BMP2K: variants seen among roughly 807,000 people sequenced by gnomAD.
The protein encoded by BMP2K is BMP2 inducible kinase.
BMP2K carries 74 observed loss-of-function variants against 116.0 expected under a neutral mutation model. The ratio of observed to expected loss-of-function variants is 0.64; its 90% CI spans 0.53 to 0.77. The LOEUF (loss-of-function observed/expected upper bound fraction) is 0.77, where lower values mean the gene tolerates loss of function less well. Ranked by LOEUF, BMP2K falls within the 30% of genes least tolerant of loss-of-function variation. The pLI is 0.00. For missense variants in BMP2K, 1,365 were observed against 1,403.6 expected (o/e 0.97, Z 0.44); for synonymous variants, 486 against 502.5 (o/e 0.97, Z 0.44).
intron 3 of BMP2K, among the ~76,000 whole-genome samples, chr4:78,838,740 A>G (rs1311526866): frequency 1.3e-5 from 2 of 152,222 alleles, no homozygotes; most frequent in African/African-American, 4.8e-5. Flanking sequence ...CAGAGAGTAA[A>G]ACAATATGTT....
intron 1 of BMP2K, among the ~76,000 whole-genome samples, chr4:78,783,407 G>A (rs1455682315): frequency 6.6e-6 from 1 of 152,192 alleles, no homozygotes; most frequent in East Asian, 1.9e-4. Flanking sequence ...AGAGGTAGTA[G>A]TTTTATTCAA....
rs536701642 is a variant in BMP2K, at chr4:78,802,860, G to GT, written c.179-23170dup. Reference sequence around the variant, plus strand: ...TCTTTTTTTTTTTGTTCTCTTTTTTGTTTTTTTGAGGCAGAGTCTTGCTCT... The same window carrying GT: ...TCTTTTTTTTTTTGTTCTCTTTTTTGTTTTTTTTGAGGCAGAGTCTTGCTCT... On this transcript the variant is annotated intron_variant, in intron 1 of 15. Coordinates refer to ENST00000502613, the MANE Select transcript of BMP2K (RefSeq NM_198892.2). Among the ~76,000 whole-genome samples the GT allele has an allele frequency of 2.4e-3, 349 of 146,084 alleles. 1 individual carries two copies. Among genetic ancestry groups the GT allele is most frequent in the African/African-American group, 8.0e-3 (318 of 39,838 alleles).
At chr4:78,840,032 TA>T (rs1448488666) in intron 3 of BMP2K, among the ~76,000 whole-genome samples, 2 of 152,052 alleles carry the variant, frequency 1.3e-5, no homozygotes, top group Non-Finnish European at 1.5e-5. Context: ...GTTGTAAAAA[TA>T]AAAAAGTCAT....
intron 1 of BMP2K, among the ~76,000 whole-genome samples, chr4:78,789,889 C>G (rs1367772036): frequency 1.3e-5 from 2 of 152,192 alleles, no homozygotes; most frequent in African/African-American, 4.8e-5. Context: ...AAGTTCTTAT[C>G]CTCTGCTTTT....
intron 2 of BMP2K, among the ~76,000 whole-genome samples, chr4:78,828,321 G>T (rs1729977934): frequency 6.6e-6 from 1 of 152,214 alleles, no homozygotes; most frequent in Non-Finnish European, 1.5e-5. Flanking sequence ...GTGATGCATA[G>T]GGTATGAGGT....
chr4:78,838,548 T>C (rs552760503), intron 3 of BMP2K, among the ~76,000 whole-genome samples: 17 of 152,192 alleles, frequency 1.1e-4, no homozygotes, highest in Non-Finnish European at 2.5e-4. Flanking sequence ...TTTTCTTCCA[T>C]GGTGGGGGAG....
chr4:78,872,604 C>A lies in BMP2K; in HGVS notation c.1609-10C>A. The A allele has an allele frequency of 6.2e-7, 1 of 1,612,496 alleles. No individual in the cohort carries two copies. The highest frequency in any genetic ancestry group is 8.5e-7 in the Non-Finnish European group (1 of 1,179,304). ...AGCATTGTTTTGTATAATATCATTT[C>A]TTTTTTCAGATGCCGCAGTATCAGC... On this transcript the variant is annotated splice_polypyrimidine_tract_variant and intron_variant, in intron 12 of 15. Coordinates refer to ENST00000502613, the MANE Select transcript of BMP2K (RefSeq NM_198892.2).
chr4:78,798,032 G>T (rs555268618), intron 1 of BMP2K, among the ~76,000 whole-genome samples: 1 of 152,054 alleles, frequency 6.6e-6, no homozygotes, highest in Non-Finnish European at 1.5e-5. Flanking sequence ...GCCCAGACAC[G>T]CTTCAAACTC....
At chr4:78,878,632 G>A (rs1421782957) in intron 13 of BMP2K, 102 bp from the exon 14 acceptor site, 5 of 986,614 alleles carry the variant, frequency 5.1e-6, no homozygotes, top group African/African-American at 3.4e-5. Context: ...AAATGATTTG[G>A]TTTTCTAAGT....
intron 1 of BMP2K, among the ~76,000 whole-genome samples, chr4:78,792,296 T>A (rs1309686323): frequency 2.6e-5 from 4 of 152,222 alleles, no homozygotes; most frequent in Admixed American, 2.6e-4. Flanking sequence ...GTCTTTTTAA[T>A]ATGTGAAAAA....
chr4:78,807,717 C>A (rs925233669), intron 1 of BMP2K, among the ~76,000 whole-genome samples: 2 of 150,782 alleles, frequency 1.3e-5, no homozygotes, highest in African/African-American at 4.8e-5. Context: ...AAATTATTAA[C>A]CCTATAATTG....
Position 78,911,180 on chromosome 4 carries a change from AG to A in BMP2K, c.2634del (p.Asn879ThrfsTer29), listed in dbSNP as rs1734574380. On this transcript the variant is annotated frameshift_variant, in exon 16 of 16. Coordinates refer to ENST00000502613, the MANE Select transcript of BMP2K (RefSeq NM_198892.2). LOFTEE classifies it high-confidence loss of function. ...CAGCCCCAGCAAGAAAAGAATGAAA[AG>A]AACCTCCCTCAACACAGGTTTCCTG... ...AQQPQQEKNE[K>X]NLPQHRFPAA... 1 of 1,613,674 alleles carries A rather than the reference AG, an allele frequency of 6.2e-7. No homozygotes were observed. Among genetic ancestry groups the A allele is most frequent in the African/African-American group, 1.3e-5 (1 of 74,896 alleles).
chr4:78,906,115 T>C (rs954630191), intron 15 of BMP2K: 1 of 152,112 alleles, frequency 6.6e-6, no homozygotes. Flanking sequence ...TACCTTGGAT[T>C]GTGGTAACTT....
intron 15 of BMP2K, among the ~76,000 whole-genome samples, chr4:78,892,794 A>T (rs946490145): frequency 1.3e-5 from 2 of 152,148 alleles, no homozygotes; most frequent in Admixed American, 1.3e-4. Flanking sequence ...TATTATGTCT[A>T]AAAAAATGTA....
At chr4:78,893,078 C>T (rs190182428) in intron 15 of BMP2K, among the ~76,000 whole-genome samples, 2 of 152,346 alleles carry the variant, frequency 1.3e-5, no homozygotes, top group African/African-American at 4.8e-5. Flanking sequence ...AGTAGAACTT[C>T]TTCCAAAATT....
intron 1 of BMP2K, among the ~76,000 whole-genome samples, chr4:78,801,583 T>C (rs1728570516): frequency 1.3e-5 from 2 of 152,190 alleles, no homozygotes; most frequent in Admixed American, 1.3e-4. Context: ...AACGGTGCTT[T>C]CTCATTATAG....
intron 1 of BMP2K, among the ~76,000 whole-genome samples, chr4:78,794,957 T>A (rs1411253738): frequency 1.3e-5 from 2 of 152,224 alleles, no homozygotes; most frequent in Non-Finnish European, 2.9e-5. Context: ...GTAAATTAAG[T>A]GTTTGCCTGT....
intron 1 of BMP2K, among the ~76,000 whole-genome samples, chr4:78,790,913 T>TC (rs1174187191): frequency 6.6e-6 from 1 of 151,916 alleles, no homozygotes; most frequent in African/African-American, 2.4e-5. Flanking sequence ...TGTAACCCAT[T>TC]CCCCCCTCCC....
intron 8 of BMP2K, chr4:78,859,968 T>C: frequency 1.8e-6 from 1 of 548,552 alleles, no homozygotes; most frequent in Non-Finnish European, 3.4e-6. Context: ...ACAAAACTAA[T>C]TTTATTAAGT....
Sources: gnomAD v4.1 joint callset for allele counts (sites outside exome capture counted in the v4.1 genomes callset) on GRCh38, gnomAD v4.1.1 for gene constraint, MANE v1.5 for transcripts, NCBI Gene and HGNC (gene_info 2026-07-23, HGNC 2026-07-21) for gene names.